Variants in ADCY2 observed in about 807,000 individuals in gnomAD.
ADCY2 encodes adenylate cyclase 2, also known as adenylate cyclase type 2.
In ADCY2, 31 loss-of-function variants were observed where a neutral mutation model predicts 125.2. The observed-to-expected ratio is 0.25, with a 90% CI of 0.19 to 0.33. The LOEUF (loss-of-function observed/expected upper bound fraction) is 0.33. Ranked by LOEUF, ADCY2 falls within the 10% of genes least tolerant of loss-of-function variation. The probability of loss-of-function intolerance (pLI) is 1.00; values close to 1 mark genes in which losing one functional copy is unlikely to be tolerated. For missense variants in ADCY2, 904 were observed against 1,418.2 expected (o/e 0.64, Z 5.82); for synonymous variants, 512 against 548.4 (o/e 0.93, Z 0.93).
At chr5:7,539,351 G>A (rs185541405) in intron 3 of ADCY2, among the ~76,000 whole-genome samples, 2 of 143,670 alleles carry the variant, frequency 1.4e-5, no homozygotes, top group South Asian at 2.4e-4. Flanking sequence ...AAAATGCATG[G>A]GATTAAAAAA....
chr5:7,562,658 C>T (rs1392025594), intron 3 of ADCY2, among the ~76,000 whole-genome samples: 1 of 152,200 alleles, frequency 6.6e-6, no homozygotes, highest in Admixed American at 6.6e-5. Context: ...CAGACACACA[C>T]ACACACGGCC....
chr5:7,593,074 GA>G (rs1205321120), intron 3 of ADCY2, among the ~76,000 whole-genome samples: 2 of 152,170 alleles, frequency 1.3e-5, no homozygotes, highest in Non-Finnish European at 2.9e-5. Context: ...TAGGTTTGGG[GA>G]CCAATAGCAG....
intron 3 of ADCY2, among the ~76,000 whole-genome samples, chr5:7,566,964 T>C (rs1735912695): frequency 6.6e-6 from 1 of 152,226 alleles, no homozygotes; most frequent in Admixed American, 6.5e-5. Flanking sequence ...ATTTGTAAAA[T>C]GCATTTTAAA....
At chr5:7,783,146 G>A (rs11748102) in intron 18 of ADCY2, among the ~76,000 whole-genome samples, 23,965 of 152,088 alleles carry the variant, frequency 0.16, 2,570 homozygotes, top group East Asian at 0.62. Context: ...CTTTGCACTT[G>A]AGTCTTTCTT....
rs1744826726 is a variant in ADCY2 at position 7,808,456 on chromosome 5, G to A, written c.2883+3764G>A. Among the ~76,000 whole-genome samples the A allele has an allele frequency of 2.0e-5, 3 of 152,098 alleles. No homozygotes were observed. In the South Asian group the frequency reaches 6.2e-4, roughly 32 times the overall value. ...TGCAAACCCTCTAAATTCTTTCCCT[G>A]ACCTTGTTGAACCTTTACTGAATGG... On this transcript the variant is annotated intron_variant, in intron 22 of 24. Coordinates refer to ENST00000338316, the MANE Select transcript of ADCY2 (RefSeq NM_020546.3).
At chr5:7,683,968 C>T (rs1273557551) in intron 4 of ADCY2, among the ~76,000 whole-genome samples, 1 of 152,214 alleles carries the variant, frequency 6.6e-6, no homozygotes, top group Non-Finnish European at 1.5e-5. Flanking sequence ...GGCTGGCCTT[C>T]TGTACCTTAT....
At chr5:7,643,608 AT>A (rs146727541) in intron 4 of ADCY2, among the ~76,000 whole-genome samples, 12 of 150,260 alleles carry the variant, frequency 8.0e-5, no homozygotes, top group South Asian at 2.1e-4. Context: ...TATTTTGGTG[AT>A]TTTTTTTTCT....
At chr5:7,456,240 T>C (rs987616655) in intron 2 of ADCY2, among the ~76,000 whole-genome samples, 6 of 152,176 alleles carry the variant, frequency 3.9e-5, no homozygotes, top group African/African-American at 1.4e-4. Context: ...AAGTCAGTTT[T>C]CTAGATTATG....
intron 14 of ADCY2, among the ~76,000 whole-genome samples, chr5:7,735,152 T>C (rs942866613): frequency 2.0e-5 from 3 of 152,168 alleles, no homozygotes; most frequent in African/African-American, 7.2e-5. Context: ...AATGCCAGTA[T>C]GCCACAGACT....
Position 7,710,586 on chromosome 5 carries a change from A to G in ADCY2, c.1578+1199A>G, listed in dbSNP as rs929625841. On this transcript the variant is annotated intron_variant, in intron 10 of 24. Coordinates refer to ENST00000338316, the MANE Select transcript of ADCY2 (RefSeq NM_020546.3). The stretch of plus-strand genomic sequence containing the variant: ...ACAAAGTCAGTGGCGCAAAGATGAA[A>G]GTGAGTGTGGTGTCCCCTGGAGACA... 1.2e-4 allele frequency among the ~76,000 whole-genome samples: 18 copies of G among 152,148 alleles called. 1 individual carries two copies. The highest frequency in any genetic ancestry group is 3.9e-4 in the African/African-American group (16 of 41,430).
rs546544906 is a variant in ADCY2 at position 7,724,763 on chromosome 5, T to C, written c.1773+149T>C. 258 of 635,116 alleles carry C rather than the reference T, an allele frequency of 4.1e-4. 1 individual carries two copies. Among genetic ancestry groups the C allele is most frequent in the Admixed American group, 5.9e-4 (18 of 30,462 alleles). 39.3% of individuals were successfully genotyped at this position (635,116 alleles called of 1,614,324 possible). A position where few individuals can be genotyped will look rare whatever the true frequency, so the allele number is the denominator to read the frequency against. On this transcript the variant is annotated intron_variant, in intron 13 of 24. Coordinates refer to ENST00000338316, the MANE Select transcript of ADCY2 (RefSeq NM_020546.3). Reference sequence around the variant, plus strand: ...TCTGGCTTTTCTGGTGGTTCTTTCATGCATATATTGCTTTACGGTATTTCT... The same window carrying C: ...TCTGGCTTTTCTGGTGGTTCTTTCACGCATATATTGCTTTACGGTATTTCT...
intron 2 of ADCY2, among the ~76,000 whole-genome samples, chr5:7,448,501 TG>T (rs1305755464): frequency 6.6e-6 from 1 of 152,110 alleles, no homozygotes; most frequent in Non-Finnish European, 1.5e-5. Flanking sequence ...TTTTAAGTTC[TG>T]GGGTACATGT....
chr5:7,710,482 G>T (rs1205108200), intron 10 of ADCY2, among the ~76,000 whole-genome samples: 1 of 152,210 alleles, frequency 6.6e-6, no homozygotes, highest in Non-Finnish European at 1.5e-5. Context: ...TGGAGTGAAT[G>T]GGATGGCCAC....
chr5:7,597,064 G>A (rs1246865401), intron 3 of ADCY2, among the ~76,000 whole-genome samples: 5 of 152,204 alleles, frequency 3.3e-5, no homozygotes, highest in Admixed American at 1.3e-4. Context: ...CAGGTTGCAG[G>A]TATCCAGGGA....
chr5:7,474,670 CAG>C (rs1362866630), intron 2 of ADCY2, among the ~76,000 whole-genome samples: 3 of 152,224 alleles, frequency 2.0e-5, no homozygotes, highest in African/African-American at 7.2e-5. Flanking sequence ...AAGTGCAAGA[CAG>C]GGGCGGCAGA....
chr5:7,827,063 C>T lies in ADCY2; in HGVS notation c.*192C>T. On this transcript the variant is annotated 3_prime_UTR_variant, in exon 25 of 25. Coordinates refer to ENST00000338316, the MANE Select transcript of ADCY2 (RefSeq NM_020546.3). ...TGCCCAGATCGTTCTGCCACTTGCA[C>T]TGTGCTTGCTCCTAAGCAAAAGGGA... 1 of 656,316 alleles carries T rather than the reference C, an allele frequency of 1.5e-6. No homozygotes were observed. Among genetic ancestry groups the T allele is most frequent in the South Asian group, 2.2e-5 (1 of 45,566 alleles). 40.7% of individuals were successfully genotyped at this position (656,316 alleles called of 1,614,324 possible).
At chr5:7,679,093 A>C (rs1007436340) in intron 4 of ADCY2, among the ~76,000 whole-genome samples, 1 of 152,212 alleles carries the variant, frequency 6.6e-6, no homozygotes, top group Non-Finnish European at 1.5e-5. Context: ...AGAGTTCAGG[A>C]GCCATTAGCA....
chr5:7,716,918 T>C (rs1199649463), intron 11 of ADCY2, among the ~76,000 whole-genome samples: 1 of 152,184 alleles, frequency 6.6e-6, no homozygotes, highest in Non-Finnish European at 1.5e-5. Flanking sequence ...TTAGCAACAA[T>C]GTACTGTGTA....
chr5:7,491,250 A>T (rs980701771), intron 2 of ADCY2, among the ~76,000 whole-genome samples: 2 of 152,096 alleles, frequency 1.3e-5, no homozygotes, highest in African/African-American at 4.8e-5. Context: ...GATCTAATTA[A>T]AAATGATTTT....
Sources: gnomAD v4.1 joint callset for allele counts (sites outside exome capture counted in the v4.1 genomes callset) on GRCh38, gnomAD v4.1.1 for gene constraint, MANE v1.5 for transcripts, NCBI Gene and HGNC (gene_info 2026-07-23, HGNC 2026-07-21) for gene names.